The following CHODL variants were observed in gnomAD, a reference collection of about 807,000 sequenced individuals.
CHODL encodes the protein transmembrane protein MT75.
CHODL carries 29 observed loss-of-function variants against 34.5 expected under a neutral mutation model. The ratio of observed to expected loss-of-function variants is 0.84; its 90% CI spans 0.63 to 1.15. The LOEUF is 1.15. Among genes scored for constraint, CHODL ranks in the 50% most tolerant of loss-of-function variants. The probability of loss-of-function intolerance (pLI) is 0.00; values close to 1 mark genes in which losing one functional copy is unlikely to be tolerated. For missense variants in CHODL, 332 were observed against 332.5 expected (o/e 1.00, Z 0.01); for synonymous variants, 125 against 116.1 (o/e 1.08, Z -0.49).
chr21:17,919,545 G>A (rs1341506541), intron 1 of CHODL, among the ~76,000 whole-genome samples: 1 of 152,064 alleles, frequency 6.6e-6, no homozygotes, highest in African/African-American at 2.4e-5. Flanking sequence ...GGGACCCTAG[G>A]TCTGGCCCAC....
At chr21:18,227,584 T>C (rs925482245) in intron 2 of CHODL, among the ~76,000 whole-genome samples, 5 of 152,044 alleles carry the variant, frequency 3.3e-5, no homozygotes, top group Admixed American at 3.3e-4. Flanking sequence ...GATTAGAAAA[T>C]ACATATATTC....
intron 2 of CHODL, among the ~76,000 whole-genome samples, chr21:18,112,877 C>T (rs1870543231): frequency 1.3e-5 from 2 of 152,070 alleles, no homozygotes; most frequent in South Asian, 4.1e-4. Flanking sequence ...TGAACAATAC[C>T]CTAAGAGCAC....
At position 18,103,378 on chromosome 21, in the gene CHODL, G is replaced by C. The variant is rs887567524; in HGVS notation, c.-45+75407G>C. 6.6e-5 allele frequency among the ~76,000 whole-genome samples: 10 copies of C among 152,228 alleles called. 1 individual carries two copies. Among genetic ancestry groups the C allele is most frequent in the Admixed American group, 1.3e-4 (2 of 15,278 alleles). On this transcript the variant is annotated intron_variant, in intron 2 of 6. Transcript: ENST00000400127. ...CTTGATATTAAAACAATCAGAGTTT[G>C]ACTCCTGATTTGAACACACATTACC...
At chr21:17,938,462 C>CCTTTTT (rs2063334362) in intron 1 of CHODL, among the ~76,000 whole-genome samples, 1 of 45,278 alleles carries the variant, frequency 2.2e-5, no homozygotes, top group African/African-American at 8.6e-5. Flanking sequence ...AACCCACATT[C>CCTTTTT]TTTTTTTTTT....
intron 1 of CHODL, among the ~76,000 whole-genome samples, chr21:18,010,323 G>C (rs79419830): frequency 1.0e-5 from 1 of 96,590 alleles, no homozygotes; most frequent in Non-Finnish European, 2.1e-5. Flanking sequence ...AAAAAAAAAA[G>C]AAGAAAAAGG....
At chr21:18,189,505 T>C (rs75071497) in intron 2 of CHODL, among the ~76,000 whole-genome samples, 1,657 of 152,210 alleles carry the variant, frequency 0.011, 67 homozygotes, top group East Asian at 0.069. Flanking sequence ...GGGGAGGACA[T>C]TGATAATTGT....
chr21:17,938,422 T>C lies in CHODL; in HGVS notation c.-145+21022T>C, dbSNP rs958923063. Among the ~76,000 whole-genome samples, 9 of 150,418 alleles carry C rather than the reference T, an allele frequency of 6.0e-5. No individual in the cohort carries two copies. In the East Asian group the frequency reaches 1.7e-3, roughly 29 times the overall value. On this transcript the variant is annotated intron_variant, in intron 1 of 6. Coordinates refer to the CHODL transcript ENST00000400127. ...TATATATATCTGTATATAGTGCTTA[T>C]GAACTCCGATTTTAAATAAAATTAG... is the stretch of plus-strand genomic sequence containing the variant.
intron 2 of CHODL, among the ~76,000 whole-genome samples, chr21:18,196,203 C>T (rs2183557): frequency 0.44 from 66,492 of 152,042 alleles, 15,026 homozygotes; most frequent in East Asian, 0.68. Context: ...TCATGCATAT[C>T]AACACAGAGA....
intron 2 of CHODL, among the ~76,000 whole-genome samples, chr21:18,133,211 T>C (rs959874195): frequency 2.0e-4 from 31 of 152,174 alleles, no homozygotes; most frequent in African/African-American, 7.0e-4. Context: ...TTGTGTGCAA[T>C]CCCTTCTGGA....
At position 17,925,163 on chromosome 21, in the gene CHODL, G is replaced by A. The variant is rs189197889; in HGVS notation, c.-145+7763G>A. Among the ~76,000 whole-genome samples the A allele has an allele frequency of 3.9e-5, 6 of 152,186 alleles. No homozygotes were observed. The South Asian group carries it at 8.3e-4, about 21-fold the overall frequency. On this transcript the variant is annotated intron_variant, in intron 1 of 6. Transcript: ENST00000400127. ...CACCCCTGAGGAGAATCCAATCTGC[G>A]TATGAGCAGCCTCTGTAAATTCCAC... is the stretch of plus-strand genomic sequence containing the variant.
chr21:17,920,835 A>G (rs940887442), intron 1 of CHODL, among the ~76,000 whole-genome samples: 5 of 152,216 alleles, frequency 3.3e-5, no homozygotes, highest in Admixed American at 3.3e-4. Context: ...AAGAACTGAC[A>G]GCTTGAGAAT....
At chr21:18,132,161 G>A (rs537488878) in intron 2 of CHODL, among the ~76,000 whole-genome samples, 17 of 151,970 alleles carry the variant, frequency 1.1e-4, no homozygotes, top group South Asian at 2.1e-4. Flanking sequence ...TACATGTGCC[G>A]TGTGGGGTTT....
chr21:18,012,340 CT>C (rs1354954700), intron 1 of CHODL, among the ~76,000 whole-genome samples: 1 of 152,176 alleles, frequency 6.6e-6, no homozygotes, highest in Non-Finnish European at 1.5e-5. Flanking sequence ...TATGTCAGGC[CT>C]TTCTTTTGTC....
chr21:17,947,592 G>A (rs1446322260), intron 1 of CHODL, among the ~76,000 whole-genome samples: 2 of 151,072 alleles, frequency 1.3e-5, no homozygotes, highest in African/African-American at 2.4e-5. Context: ...AGTAGTCAAA[G>A]GAGACAGACA....
chr21:18,033,094 G>T (rs547755184), intron 2 of CHODL, among the ~76,000 whole-genome samples: 1 of 152,128 alleles, frequency 6.6e-6, no homozygotes, highest in South Asian at 2.1e-4. Flanking sequence ...GAGGTCAGAG[G>T]ATGATACTTA....
intron 2 of CHODL, among the ~76,000 whole-genome samples, chr21:18,080,620 C>A (rs1023659920): frequency 1.3e-5 from 2 of 152,036 alleles, no homozygotes; most frequent in African/African-American, 4.8e-5. Context: ...TTGTTGACTT[C>A]ATCAAAGATC....
chr21:18,118,061 T>C (rs1175667339), intron 2 of CHODL, among the ~76,000 whole-genome samples: 1 of 152,184 alleles, frequency 6.6e-6, no homozygotes, highest in Non-Finnish European at 1.5e-5. Flanking sequence ...TCAAGTTGAA[T>C]TGGGAAATTA....
intron 1 of CHODL, among the ~76,000 whole-genome samples, chr21:17,988,423 G>T: frequency 1.7e-5 from 2 of 115,448 alleles, no homozygotes; most frequent in African/African-American, 3.5e-5. Flanking sequence ...TATACTTTAA[G>T]TTTTAGGGTA....
rs1218809089 is a variant in CHODL, at chr21:17,955,397, A to T, written c.-145+37997A>T. ...TAGTAGGGGTTGTGCTATTATTGTC[A>T]TAGATGTAAATACTGTACAATTGTT... is the stretch of plus-strand genomic sequence containing the variant. On this transcript the variant is annotated intron_variant, in intron 1 of 6. Coordinates refer to the CHODL transcript ENST00000400127. Among the ~76,000 whole-genome samples the T allele has an allele frequency of 3.6e-5, 5 of 137,202 alleles. 1 individual carries two copies. The highest frequency in any genetic ancestry group is 1.0e-4 in the African/African-American group (4 of 40,032). The allele number at this position is 137,202 out of a possible 152,430, so 90.0% of individuals were successfully genotyped here. A position where few individuals can be genotyped will look rare whatever the true frequency, so the allele number is the denominator to read the frequency against.
Sources: allele counts gnomAD v4.1 joint callset (sites outside exome capture counted in the v4.1 genomes callset), GRCh38; gene constraint gnomAD v4.1.1; transcripts MANE v1.5; gene names NCBI Gene and HGNC (gene_info 2026-07-23, HGNC 2026-07-21).